Variants in SP5 observed in about 807,000 individuals in gnomAD.
SP5 encodes transcription factor Sp5.
A neutral mutation model predicts 27.4 loss-of-function variants in SP5; 12 were observed. That is an observed-to-expected ratio of 0.44 (90% CI 0.28 to 0.71). The LOEUF (loss-of-function observed/expected upper bound fraction) is 0.71. Among genes scored for constraint, SP5 ranks in the 30% least tolerant of loss-of-function variants. The pLI is 0.15. For missense variants in SP5, 660 were observed against 589.8 expected (o/e 1.12, Z -1.23); for synonymous variants, 330 against 290.7 (o/e 1.14, Z -1.38).
Position 170,716,707 on chromosome 2 carries a change from C to T in SP5, c.500C>T (p.Pro167Leu). The T allele has an allele frequency of 6.7e-7, 1 of 1,502,824 alleles. No homozygotes were observed. The allele number at this position is 1,502,824 out of a possible 1,614,324, so 93.1% of individuals were successfully genotyped here. A position where few individuals can be genotyped will look rare whatever the true frequency, so the allele number is the denominator to read the frequency against. ...PGYSNLLPPP[P>L]PPPPPPTCRQ... ...TACTCCAACCTGCTGCCTCCGCCGCCGCCACCGCCCCCGCCGCCCACCTGC... is the reference window on the plus strand; with the variant it reads ...TACTCCAACCTGCTGCCTCCGCCGCTGCCACCGCCCCCGCCGCCCACCTGC... Residue 167 changes from proline to leucine, a missense_variant, in exon 2 of 2, where the codon CCG becomes CTG. By Grantham distance (98) the Pro-to-Leu change is moderately conservative (BLOSUM62 -3). Coordinates refer to ENST00000375281, the MANE Select transcript of SP5 (RefSeq NM_001003845.3).
chr2:170,715,527 C>A lies in SP5; in HGVS notation c.15C>A (p.Ala5=). 1 of 1,556,598 alleles carries A rather than the reference C, an allele frequency of 6.4e-7. No homozygotes were observed. The highest frequency in any genetic ancestry group is 8.7e-7 in the Non-Finnish European group (1 of 1,150,910). The change falls in exon 1 of 2, where the codon GCC becomes GCA. Residue 5 remains alanine, a synonymous_variant. Coordinates refer to ENST00000375281, the MANE Select transcript of SP5 (RefSeq NM_001003845.3). Reference sequence around the variant, plus strand: ...AAGCCGTAGCCATGGCCGCGGTGGCCGTCCTCCGGAACGACTCGCTGCAGG... The same window carrying A: ...AAGCCGTAGCCATGGCCGCGGTGGCAGTCCTCCGGAACGACTCGCTGCAGG... MAAV[A]VLRNDSLQAF...
chr2:170,716,870 C>T lies in SP5; in HGVS notation c.663C>T (p.Arg221=). 1.3e-6 allele frequency: 2 copies of T among 1,490,168 alleles called. No homozygotes were observed. Among genetic ancestry groups the T allele is most frequent in the Non-Finnish European group, 1.8e-6 (2 of 1,122,968 alleles). The allele number at this position is 1,490,168 out of a possible 1,614,324, so 92.3% of individuals were successfully genotyped here. A position where few individuals can be genotyped will look rare whatever the true frequency, so the allele number is the denominator to read the frequency against. ...GACAGAPHAP[R]FPASAAAAAA... Reference sequence around the variant, plus strand: ...GTGCCGGGGCCCCCCACGCGCCCCGCTTCCCCGCCTCTGCGGCCGCTGCTG... The same window carrying T: ...GTGCCGGGGCCCCCCACGCGCCCCGTTTCCCCGCCTCTGCGGCCGCTGCTG... The change falls in exon 2 of 2, where the codon CGC becomes CGT. Residue 221 remains arginine (R), a synonymous_variant. Transcript: ENST00000375281.
At position 170,716,813 on chromosome 2, in the gene SP5, CG is replaced by C; in HGVS notation, c.610del (p.Val204PhefsTer110). 1 of 1,394,376 alleles carries C rather than the reference CG, an allele frequency of 7.2e-7. No homozygotes were observed. The highest frequency in any genetic ancestry group is 9.3e-7 in the Non-Finnish European group (1 of 1,079,986). The allele number at this position is 1,394,376 out of a possible 1,614,324, so 86.4% of individuals were successfully genotyped here. On this transcript the variant is annotated frameshift_variant, in exon 2 of 2. Transcript: ENST00000375281. LOFTEE classifies it high-confidence loss of function. ...PQAGAGPGAS[G>X]VPGSGLSGAC... ...AGGCGGGCGCCGGGCCGGGGGCCTC[CG>C]GGGTTCCGGGAAGCGGCCTCTCCGG...
intron 1 of SP5, 100 bp from the exon 2 acceptor site, chr2:170,716,159 G>C (rs1700061260): frequency 7.0e-7 from 1 of 1,429,936 alleles, no homozygotes; most frequent in Admixed American, 2.9e-5. Flanking sequence ...GAGGAGGGGC[G>C]GCGGTATAAT....
intron 1 of SP5, chr2:170,715,878 CT>C: frequency 1.0e-6 from 1 of 985,414 alleles, no homozygotes; most frequent in Non-Finnish European, 1.2e-6. Context: ...GACAAGAGAG[CT>C]TAAAAGATGG....
Position 170,716,800 on chromosome 2 carries a change from G to C in SP5, c.593G>C (p.Gly198Ala). The C allele has an allele frequency of 7.2e-7, 1 of 1,395,612 alleles. No individual in the cohort carries two copies. Among genetic ancestry groups the C allele is most frequent in the Non-Finnish European group, 9.3e-7 (1 of 1,080,714 alleles). 86.5% of individuals were successfully genotyped at this position (1,395,612 alleles called of 1,614,324 possible). ...TGGAGCATCCCGCAGGCGGGCGCCG[G>C]GCCGGGGGCCTCCGGGGTTCCGGGA... The part of the protein sequence containing the change: ...PWWSIPQAGA[G>A]PGASGVPGSG... The change falls in exon 2 of 2, where the codon GGG (glycine) becomes GCG (alanine). Residue 198 changes from glycine (G) to alanine (A), a missense_variant. By Grantham distance (60) the Gly-to-Ala change is moderately conservative. Coordinates refer to ENST00000375281, the MANE Select transcript of SP5 (RefSeq NM_001003845.3).
At position 170,715,523 on chromosome 2, in the gene SP5, T is replaced by C. The variant is rs750018199; in HGVS notation, c.11T>C (p.Val4Ala). 4 of 1,555,212 alleles carry C rather than the reference T, an allele frequency of 2.6e-6. No individual in the cohort carries two copies. In the South Asian group the frequency reaches 4.8e-5, roughly 18 times the overall value. MAA[V>A]AVLRNDSLQA... Reference sequence around the variant, plus strand: ...CTGCAAGCCGTAGCCATGGCCGCGGTGGCCGTCCTCCGGAACGACTCGCTG... The same window carrying C: ...CTGCAAGCCGTAGCCATGGCCGCGGCGGCCGTCCTCCGGAACGACTCGCTG... The change falls in exon 1 of 2, where the codon GTG becomes GCG. Residue 4 changes from valine to alanine, a missense_variant. By Grantham distance (64) the Val-to-Ala change is moderately conservative (BLOSUM62 0). Transcript: ENST00000375281.
rs1700093925 is a variant in SP5, at chr2:170,717,384, G to A, written c.1177G>A (p.Glu393Lys). Reference protein sequence around the residue: ...LKVAEAGVKREDARDL With the variant: ...LKVAEAGVKRKDARDL ...AGTCGCTGAGGCCGGGGTTAAGCGG[G>A]AGGACGCGCGGGACCTGTGAGCCCT... is the stretch of plus-strand genomic sequence containing the variant. Residue 393 changes from glutamate (E) to lysine (K), a missense_variant, in exon 2 of 2, where the codon GAG becomes AAG. Coordinates refer to ENST00000375281, the MANE Select transcript of SP5 (RefSeq NM_001003845.3). 9 of 1,611,006 alleles carry A rather than the reference G, an allele frequency of 5.6e-6. No individual in the cohort carries two copies. Among genetic ancestry groups the A allele is most frequent in the South Asian group, 2.2e-5 (2 of 91,066 alleles).
intron 1 of SP5, 76 bp from the exon 2 acceptor site, chr2:170,716,183 G>C: frequency 1.3e-6 from 2 of 1,500,142 alleles, no homozygotes; most frequent in Non-Finnish European, 1.8e-6. Flanking sequence ...GGGCGTGGGG[G>C]CGGCGGGCTG....
intron 1 of SP5, 71 bp from the exon 2 acceptor site, chr2:170,716,188 G>T: frequency 6.6e-7 from 1 of 1,513,882 alleles, no homozygotes; most frequent in Non-Finnish European, 8.7e-7. Context: ...TGGGGGCGGC[G>T]GGCTGGCCCG....
rs1700097575 is a variant in SP5, at chr2:170,717,544, G to A, written c.*140G>A. On this transcript the variant is annotated 3_prime_UTR_variant, in exon 2 of 2. Transcript: ENST00000375281. ...AAATGGAGCCAGGCTTCCAACTTCC[G>A]CTGCCTTCGGACATAGGGACCCAGT... 2.6e-6 allele frequency: 3 copies of A among 1,172,708 alleles called. No homozygotes were observed. Among genetic ancestry groups the A allele is most frequent in the Non-Finnish European group, 3.5e-6 (3 of 845,818 alleles). The allele number at this position is 1,172,708 out of a possible 1,614,324, so 72.6% of individuals were successfully genotyped here.
In SP5 at chr2:170,717,648, C is replaced by A. The variant is rs1446559624; in HGVS notation, c.*244C>A. ...AGCTCTGCCGTACGCCAGGGCGGTT[C>A]CAAACTCTAAACCGTTCCCACCGTC... On this transcript the variant is annotated 3_prime_UTR_variant, in exon 2 of 2. Transcript: ENST00000375281. 2 of 596,304 alleles carry A rather than the reference C, an allele frequency of 3.4e-6. No individual in the cohort carries two copies. Among genetic ancestry groups the A allele is most frequent in the Non-Finnish European group, 5.8e-6 (2 of 342,800 alleles). 36.9% of individuals were successfully genotyped at this position (596,304 alleles called of 1,614,324 possible).
At position 170,716,998 on chromosome 2, in the gene SP5, T is replaced by C; in HGVS notation, c.791T>C (p.Leu264Pro). The C allele has an allele frequency of 6.5e-7, 1 of 1,547,636 alleles. No homozygotes were observed. The highest frequency in any genetic ancestry group is 8.7e-7 in the Non-Finnish European group (1 of 1,146,378). The stretch of plus-strand genomic sequence containing the variant: ...GCGCTGCTGCAGACCAAGGCCCCCC[T>C]GGCGGCCACGGCCAGGAGGTGCCGC... ...IAALLQTKAP[L>P]AATARRCRRC... Residue 264 changes from leucine to proline, a missense_variant, in exon 2 of 2, where the codon CTG becomes CCG. Leu to Pro is a moderately conservative substitution (Grantham distance 98). Coordinates refer to ENST00000375281, the MANE Select transcript of SP5 (RefSeq NM_001003845.3).
At chr2:170,715,941 A>G (rs1700055414) in intron 1 of SP5, 3 of 1,340,176 alleles carry the variant, frequency 2.2e-6, no homozygotes, top group Admixed American at 3.8e-5. Flanking sequence ...ACTCTTACTG[A>G]CCACGGAGCC....
In SP5 at chr2:170,716,889, G is replaced by C; in HGVS notation, c.682G>C (p.Ala228Pro). The C allele has an allele frequency of 6.6e-7, 1 of 1,504,354 alleles. No individual in the cohort carries two copies. Among genetic ancestry groups the C allele is most frequent in the Non-Finnish European group, 8.9e-7 (1 of 1,128,710 alleles). 93.2% of individuals were successfully genotyped at this position (1,504,354 alleles called of 1,614,324 possible). A position where few individuals can be genotyped will look rare whatever the true frequency, so the allele number is the denominator to read the frequency against. The change falls in exon 2 of 2, where the codon GCT becomes CCT. Residue 228 changes from alanine to proline, a missense_variant. By Grantham distance (27) the Ala-to-Pro change is conservative (BLOSUM62 -1). Coordinates refer to ENST00000375281, the MANE Select transcript of SP5 (RefSeq NM_001003845.3). ...GCCCCGCTTCCCCGCCTCTGCGGCC[G>C]CTGCTGCTGCGGCCGCCGCCGCCCT... ...HAPRFPASAA[A>P]AAAAAAALQR...
rs1370316219 is a variant in SP5, at chr2:170,716,601, C to T, written c.394C>T (p.Pro132Ser). The T allele has an allele frequency of 1.2e-6, 2 of 1,610,016 alleles. No individual in the cohort carries two copies. Among genetic ancestry groups the T allele is most frequent in the South Asian group, 2.2e-5 (2 of 90,852 alleles). Residue 132 changes from proline to serine, a missense_variant, in exon 2 of 2, where the codon CCC becomes TCC. Pro to Ser is a moderately conservative substitution (Grantham distance 74, BLOSUM62 -1). Coordinates refer to ENST00000375281, the MANE Select transcript of SP5 (RefSeq NM_001003845.3). ...CGAGTTCTCGCCGGTCAAGATGCTGCCCTCGAGCATGGCGGCTCTGCCCGC... is the reference window on the plus strand; with the variant it reads ...CGAGTTCTCGCCGGTCAAGATGCTGTCCTCGAGCATGGCGGCTCTGCCCGC... ...PYEFSPVKML[P>S]SSMAALPASC...
At position 170,715,506 on chromosome 2, in the gene SP5, C is replaced by T; in HGVS notation, c.-7C>T. On this transcript the variant is annotated 5_prime_UTR_variant, in exon 1 of 2. Transcript: ENST00000375281. ...GCTCCGCAGCCAGGGGCCTGCAAGC[C>T]GTAGCCATGGCCGCGGTGGCCGTCC... The T allele has an allele frequency of 6.4e-7, 1 of 1,552,220 alleles. No homozygotes were observed.
rs372296997 is a variant in SP5 at position 170,716,560 on chromosome 2, A to G, written c.353A>G (p.Asp118Gly). Residue 118 changes from aspartate (D) to glycine (G), a missense_variant, in exon 2 of 2, where the codon GAC becomes GGC. Transcript: ENST00000375281. ...GAGCTTCCCCTTACACCCCCCGCCGACCCCTCGTACCCCTACGAGTTCTCG... is the reference window on the plus strand; with the variant it reads ...GAGCTTCCCCTTACACCCCCCGCCGGCCCCTCGTACCCCTACGAGTTCTCG... ...AHELPLTPPA[D>G]PSYPYEFSPV... The G allele has an allele frequency of 6.2e-7, 1 of 1,609,054 alleles. No individual in the cohort carries two copies. The highest frequency in any genetic ancestry group is 8.5e-7 in the Non-Finnish European group (1 of 1,178,466).
Position 170,716,272 on chromosome 2 carries a change from G to A in SP5, c.65G>A (p.Ser22Asn). ...LQAFLQDRTP[S>N]ASPDLGKHSP... ...CCGCCTATGCAGGACCGCACCCCCA[G>A]CGCCTCCCCGGACCTGGGCAAGCAC... Residue 22 changes from serine (S) to asparagine (N), a missense_variant, in exon 2 of 2, where the codon AGC becomes AAC. By Grantham distance (46) the Ser-to-Asn change is conservative. Transcript: ENST00000375281. 2 of 1,593,952 alleles carry A rather than the reference G, an allele frequency of 1.3e-6. No individual in the cohort carries two copies. The highest frequency in any genetic ancestry group is 1.7e-6 in the Non-Finnish European group (2 of 1,178,766).
Sources: gnomAD v4.1 joint callset for allele counts on GRCh38, gnomAD v4.1.1 for gene constraint, MANE v1.5 for transcripts, NCBI Gene and HGNC (gene_info 2026-07-23, HGNC 2026-07-21) for gene names.